The following DLGAP2 variants were observed in gnomAD, a reference collection of about 807,000 sequenced individuals.
DLGAP2 encodes DLG associated protein 2.
DLGAP2 carries 26 observed loss-of-function variants against 100.3 expected under a neutral mutation model. The observed-to-expected ratio is 0.26, with a 90% CI of 0.19 to 0.36. DLGAP2 has a LOEUF of 0.36. Ranked by LOEUF, DLGAP2 falls within the 10% of genes least tolerant of loss-of-function variation. The probability of loss-of-function intolerance (pLI) is 1.00; values close to 1 mark genes in which losing one functional copy is unlikely to be tolerated. For missense variants in DLGAP2, 1,858 were observed against 1,453.2 expected (o/e 1.28, Z -4.53); for synonymous variants, 886 against 630.1 (o/e 1.41, Z -6.08).
At chr8:1,513,779 A>G (rs1800263325) in intron 4 of DLGAP2, among the ~76,000 whole-genome samples, 1 of 152,260 alleles carries the variant, frequency 6.6e-6, no homozygotes, top group Admixed American at 6.5e-5. Flanking sequence ...AATCCTGGGC[A>G]CCCTTCCCCC....
chr8:1,470,121 C>T (rs1017842104), intron 3 of DLGAP2, among the ~76,000 whole-genome samples: 10 of 152,226 alleles, frequency 6.6e-5, no homozygotes, highest in Admixed American at 5.2e-4. Context: ...GTGATCATGC[C>T]ACCGCACTGC....
At chr8:934,442 G>C (rs1211591092) in intron 2 of DLGAP2, among the ~76,000 whole-genome samples, 1 of 152,156 alleles carries the variant, frequency 6.6e-6, no homozygotes, top group South Asian at 2.1e-4. Flanking sequence ...TGTCGGAGTC[G>C]ATCTATTTCC....
intron 8 of DLGAP2, among the ~76,000 whole-genome samples, chr8:1,638,340 A>G (rs570853457): frequency 6.6e-6 from 1 of 152,242 alleles, no homozygotes; most frequent in African/African-American, 2.4e-5. Context: ...GAGGACACAG[A>G]CATGCAGGAA....
chr8:1,499,975 C>G (rs1799660144), intron 3 of DLGAP2, among the ~76,000 whole-genome samples: 1 of 109,260 alleles, frequency 9.2e-6, no homozygotes, highest in Non-Finnish European at 1.7e-5. Flanking sequence ...CTGCATCTAA[C>G]ACTTGGGTGG....
At chr8:769,937 C>T (rs533417622) in intron 1 of DLGAP2, among the ~76,000 whole-genome samples, 2 of 145,336 alleles carry the variant, frequency 1.4e-5, no homozygotes, top group African/African-American at 5.1e-5. Context: ...GGGGGTCATG[C>T]CGACCCCAGA....
intron 1 of DLGAP2, among the ~76,000 whole-genome samples, chr8:761,785 T>C (rs1432897165): frequency 2.6e-5 from 4 of 152,200 alleles, no homozygotes; most frequent in Non-Finnish European, 5.9e-5. Flanking sequence ...GAGGTCGCGC[T>C]GTCCTCACCC....
chr8:1,525,969 T>G (rs1224440409), intron 4 of DLGAP2, among the ~76,000 whole-genome samples: 1 of 152,102 alleles, frequency 6.6e-6, no homozygotes, highest in Non-Finnish European at 1.5e-5. Flanking sequence ...GATTTGGAAT[T>G]TTTTTGGAAT....
intron 3 of DLGAP2, among the ~76,000 whole-genome samples, chr8:1,477,799 G>A (rs200924658): frequency 1.0e-4 from 15 of 148,392 alleles, no homozygotes; most frequent in Non-Finnish European, 6.0e-5. Flanking sequence ...AGGTGAGAAA[G>A]AAAAAAAAAA....
chr8:1,257,902 T>G (rs1007819063), intron 2 of DLGAP2, among the ~76,000 whole-genome samples: 1 of 152,244 alleles, frequency 6.6e-6, no homozygotes, highest in Non-Finnish European at 1.5e-5. Context: ...CCTGCCCTCA[T>G]GTTCTCAGGA....
rs145513203 is a variant in DLGAP2, at chr8:1,226,353, A to T, written c.74-32498A>T. ...GATGAAGCTGGAAGCCATTATCCTC[A>T]GCAAACTAACACAGGAAAAGAAAAC... On this transcript the variant is annotated intron_variant, in intron 2 of 14. Coordinates refer to ENST00000637795, the MANE Select transcript of DLGAP2 (RefSeq NM_001346810.2). Among the ~76,000 whole-genome samples, 886 of 152,320 alleles carry T rather than the reference A, an allele frequency of 5.8e-3. 5 individuals are homozygous for T. The highest frequency in any genetic ancestry group is 0.01 in the Middle Eastern group (3 of 294).
intron 3 of DLGAP2, among the ~76,000 whole-genome samples, chr8:1,340,833 T>A (rs1801401168): frequency 6.6e-6 from 1 of 152,192 alleles, no homozygotes; most frequent in African/African-American, 2.4e-5. Flanking sequence ...GGAATCAACC[T>A]AAATGCCATC....
intron 2 of DLGAP2, among the ~76,000 whole-genome samples, chr8:1,126,277 A>G (rs1796162687): frequency 6.6e-6 from 1 of 152,206 alleles, no homozygotes; most frequent in Non-Finnish European, 1.5e-5. Flanking sequence ...GGTCCTTGAA[A>G]GCTTCCTCCA....
At chr8:1,310,115 T>A (rs1800581150) in intron 3 of DLGAP2, among the ~76,000 whole-genome samples, 1 of 151,480 alleles carries the variant, frequency 6.6e-6, no homozygotes, top group Admixed American at 6.6e-5. Context: ...AGGGAGCTGT[T>A]ATAAATCTAG....
At chr8:1,305,812 C>T (rs1997552) in intron 3 of DLGAP2, among the ~76,000 whole-genome samples, 1 of 152,136 alleles carries the variant, frequency 6.6e-6, no homozygotes, top group African/African-American at 2.4e-5. Flanking sequence ...CCGCCCCACT[C>T]AACAGCAGAT....
chr8:1,216,151 T>C (rs569877751), intron 2 of DLGAP2, among the ~76,000 whole-genome samples: 9 of 152,314 alleles, frequency 5.9e-5, no homozygotes, highest in African/African-American at 1.7e-4. Flanking sequence ...GGAGTGTGTG[T>C]TCGCATGTTT....
At chr8:981,195 AT>A (rs762117421) in intron 2 of DLGAP2, among the ~76,000 whole-genome samples, 6 of 152,226 alleles carry the variant, frequency 3.9e-5, no homozygotes, top group Non-Finnish European at 7.3e-5. Context: ...TGCCTGGCTT[AT>A]TTCACTTAGC....
chr8:959,788 G>T (rs1799680532), intron 2 of DLGAP2, among the ~76,000 whole-genome samples: 1 of 152,106 alleles, frequency 6.6e-6, no homozygotes, highest in African/African-American at 2.4e-5. Flanking sequence ...AAAGAGGAGA[G>T]AATATGACTA....
intron 1 of DLGAP2, among the ~76,000 whole-genome samples, chr8:810,928 GT>G (rs1205939653): frequency 6.6e-6 from 1 of 152,246 alleles, no homozygotes; most frequent in African/African-American, 2.4e-5. Context: ...GGTGGCTGTG[GT>G]TGGATGTTCG....
At chr8:832,593 A>T (rs887061949) in intron 1 of DLGAP2, among the ~76,000 whole-genome samples, 4 of 152,194 alleles carry the variant, frequency 2.6e-5, no homozygotes, top group African/African-American at 9.6e-5. Context: ...TTATCTTTGT[A>T]TTTTGGGAAA....
Sources: gnomAD v4.1 joint callset for allele counts (sites outside exome capture counted in the v4.1 genomes callset) on GRCh38, gnomAD v4.1.1 for gene constraint, MANE v1.5 for transcripts, NCBI Gene and HGNC (gene_info 2026-07-23, HGNC 2026-07-21) for gene names.